TUSC3: variants seen among roughly 807,000 people sequenced by gnomAD.
The protein encoded by TUSC3 is dolichyl-diphosphooligosaccharide--protein glycosyltransferase subunit TUSC3.
TUSC3 carries 45 observed loss-of-function variants against 44.8 expected under a neutral mutation model. The observed-to-expected ratio is 1.00, with a 90% CI of 0.79 to 1.29. TUSC3 has a LOEUF of 1.29. Among genes scored for constraint, TUSC3 ranks in the 50% most tolerant of loss-of-function variants. The pLI, the probability that TUSC3 is intolerant of heterozygous loss-of-function variation, is 0.00. For synonymous variants in TUSC3, 212 were observed against 152.9 expected (o/e 1.39, Z -2.85); for missense variants, 519 against 437.9 (o/e 1.19, Z -1.65).
At position 15,764,578 on chromosome 8, in the gene TUSC3, T is replaced by C. The variant is rs899429467; in HGVS notation, c.*422T>C. 4.2e-5 allele frequency: 10 copies of C among 236,120 alleles called. No homozygotes were observed. Among genetic ancestry groups the C allele is most frequent in the Non-Finnish European group, 5.9e-5 (7 of 118,498 alleles). The allele number at this position is 236,120 out of a possible 1,614,324, so 14.6% of individuals were successfully genotyped here. On this transcript the variant is annotated 3_prime_UTR_variant, in exon 11 of 11. Coordinates refer to ENST00000503731, the MANE Select transcript of TUSC3 (RefSeq NM_006765.4). ...TGTATGTTAAAGATTCTTAGTATTG[T>C]ACAGGGATAAAGCAAATGCATGAAA...
intron 1 of TUSC3, among the ~76,000 whole-genome samples, chr8:15,614,065 TAGAAGAGA>T (rs1804883039): frequency 6.6e-6 from 1 of 151,634 alleles, no homozygotes; most frequent in Admixed American, 6.6e-5. Flanking sequence ...CCATGAAGGA[TAGAAGAGA>T]AAATTATTTT....
chr8:15,666,486 A>T (rs895714111), intron 5 of TUSC3, among the ~76,000 whole-genome samples: 1 of 151,316 alleles, frequency 6.6e-6, no homozygotes, highest in Non-Finnish European at 1.5e-5. Context: ...GGAGATTAGT[A>T]TATGTCATTA....
the TUSC3 span, among the ~76,000 whole-genome samples, chr8:15,787,121 T>C: frequency 5.9e-5 from 9 of 152,128 alleles, no homozygotes; most frequent in Non-Finnish European, 2.9e-5. Context: ...ATAATTTTCC[T>C]CTGGGTAAAA....
chr8:15,419,583 C>T (rs1203840276), intron 1 of TUSC3, among the ~76,000 whole-genome samples: 1 of 151,940 alleles, frequency 6.6e-6, no homozygotes, highest in Non-Finnish European at 1.5e-5. Context: ...TACGGTTATA[C>T]GTGTGTGAAA....
At chr8:15,589,550 A>T (rs1255191629) in intron 1 of TUSC3, among the ~76,000 whole-genome samples, 1 of 152,162 alleles carries the variant, frequency 6.6e-6, no homozygotes, top group South Asian at 2.1e-4. Flanking sequence ...ATTAATGTTA[A>T]ATTTGCCTTG....
At chr8:15,794,976 A>G in the TUSC3 span, among the ~76,000 whole-genome samples, 3 of 152,128 alleles carry the variant, frequency 2.0e-5, no homozygotes, top group South Asian at 6.2e-4. Context: ...TTGCTTCTCT[A>G]CCATCCTGGA....
At chr8:15,605,845 C>T (rs1804498490) in intron 1 of TUSC3, among the ~76,000 whole-genome samples, 3 of 152,050 alleles carry the variant, frequency 2.0e-5, no homozygotes, top group African/African-American at 4.8e-5. Context: ...AACTGTAGTA[C>T]GTTATAGGCT....
At chr8:15,570,578 A>C (rs1252807995) in intron 1 of TUSC3, among the ~76,000 whole-genome samples, 1 of 152,182 alleles carries the variant, frequency 6.6e-6, no homozygotes, top group Non-Finnish European at 1.5e-5. Context: ...GTTACATTTC[A>C]ATGTAGTTGA....
intron 2 of TUSC3, among the ~76,000 whole-genome samples, chr8:15,529,411 ATAT>A (rs1395366893): frequency 2.6e-5 from 4 of 152,230 alleles, no homozygotes; most frequent in Non-Finnish European, 5.9e-5. Context: ...AGGTTTATCA[ATAT>A]TATTACAATA....
chr8:15,743,854 T>C (rs1290030073), intron 8 of TUSC3, among the ~76,000 whole-genome samples: 1 of 151,896 alleles, frequency 6.6e-6, no homozygotes, highest in East Asian at 1.9e-4. Context: ...CCTTCACCCT[T>C]GTCAGGGTGC....
intron 5 of TUSC3, among the ~76,000 whole-genome samples, chr8:15,668,884 T>C (rs1057093767): frequency 6.6e-6 from 1 of 151,436 alleles, no homozygotes; most frequent in Non-Finnish European, 1.5e-5. Context: ...ATAAGCAGAG[T>C]TTTTGGTTAG....
In TUSC3 at chr8:15,692,067, C is replaced by T. The variant is rs79752810; in HGVS notation, c.798+18231C>T. Among the ~76,000 whole-genome samples, 37 of 152,264 alleles carry T rather than the reference C, an allele frequency of 2.4e-4. 1 individual carries two copies. In the East Asian group the frequency reaches 5.6e-3, roughly 23 times the overall value. On this transcript the variant is annotated intron_variant, in intron 6 of 10. Transcript: ENST00000503731. ...AAGTGCTGGGATTTCAATCGTGAGC[C>T]ACCACGCCTGGCACATGTGGTTTGT...
chr8:15,640,435 T>C (rs1460675830), intron 2 of TUSC3, among the ~76,000 whole-genome samples: 1 of 152,206 alleles, frequency 6.6e-6, no homozygotes, highest in Non-Finnish European at 1.5e-5. Context: ...GTCTTCTTAG[T>C]GAATCACCAA....
At chr8:15,516,325 A>G (rs551964625) in intron 2 of TUSC3, among the ~76,000 whole-genome samples, 2 of 152,244 alleles carry the variant, frequency 1.3e-5, no homozygotes, top group East Asian at 3.9e-4. Context: ...AAGTGTTCTC[A>G]TTTACCTTAA....
intron 4 of TUSC3, among the ~76,000 whole-genome samples, chr8:15,660,335 C>G (rs984644169): frequency 1.1e-4 from 16 of 151,866 alleles, no homozygotes; most frequent in African/African-American, 3.6e-4. Context: ...TAAAACATTT[C>G]AAAGTAGGTT....
intron 2 of TUSC3, among the ~76,000 whole-genome samples, chr8:15,490,160 G>C (rs1228890843): frequency 1.3e-5 from 2 of 152,090 alleles, no homozygotes; most frequent in Admixed American, 1.3e-4. Context: ...GGAAAAGCTA[G>C]AACAACAAAC....
intron 1 of TUSC3, among the ~76,000 whole-genome samples, chr8:15,451,733 G>T (rs1800199240): frequency 6.6e-6 from 1 of 152,096 alleles, no homozygotes; most frequent in Non-Finnish European, 1.5e-5. Flanking sequence ...TGCAATCGAT[G>T]GGGGCAATAT....
At chr8:15,601,179 T>C (rs980309550) in intron 1 of TUSC3, among the ~76,000 whole-genome samples, 4 of 151,766 alleles carry the variant, frequency 2.6e-5, no homozygotes, top group Non-Finnish European at 4.4e-5. Context: ...TTTAAACTCA[T>C]TTCCAAAGAG....
Position 15,714,795 on chromosome 8 carries a change from T to C in TUSC3, c.799-15871T>C, listed in dbSNP as rs150997045. On this transcript the variant is annotated intron_variant, in intron 6 of 10. Transcript: ENST00000503731. Reference sequence around the variant, plus strand: ...AGATGTATATTAAACCCAGAGAATGTCTGAAGTGAGAGCTACATAACCAAT... The same window carrying C: ...AGATGTATATTAAACCCAGAGAATGCCTGAAGTGAGAGCTACATAACCAAT... Among the ~76,000 whole-genome samples, 102 of 152,280 alleles carry C rather than the reference T, an allele frequency of 6.7e-4. No individual in the cohort carries two copies. The East Asian group carries it at 0.016, about 24-fold the overall frequency.
Sources: allele counts gnomAD v4.1 joint callset (sites outside exome capture counted in the v4.1 genomes callset), GRCh38; gene constraint gnomAD v4.1.1; transcripts MANE v1.5; gene names NCBI Gene and HGNC (gene_info 2026-07-23, HGNC 2026-07-21).